Variants in POC1A observed in about 807,000 individuals in gnomAD.
POC1A encodes POC1 centriolar protein homolog A.
A neutral mutation model predicts 47.8 loss-of-function variants in POC1A; 34 were observed. The observed-to-expected ratio is 0.71, with a 90% CI of 0.54 to 0.95. The LOEUF is 0.95. Ranked by LOEUF, POC1A falls within the 40% of genes least tolerant of loss-of-function variation. The pLI is 0.00. For synonymous variants in POC1A, 177 were observed against 207.6 expected, an observed-to-expected ratio of 0.85 and a Z score of 1.27; for missense variants, 466 against 528.3, an observed-to-expected ratio of 0.88 and a Z score of 1.16.
At chr3:52,134,152 T>C (rs1412621711) in intron 7 of POC1A, among the ~76,000 whole-genome samples, 3 of 151,990 alleles carry the variant, frequency 2.0e-5, no homozygotes, top group Non-Finnish European at 2.9e-5. Context: ...GGGAGTTACA[T>C]GGATCTCATG....
chr3:52,130,789 C>G (rs537436723), intron 7 of POC1A, among the ~76,000 whole-genome samples: 42 of 152,270 alleles, frequency 2.8e-4, no homozygotes, highest in African/African-American at 7.7e-4. Flanking sequence ...ACTGGCCCAG[C>G]CACTGTCACA....
chr3:52,104,560 T>C (rs374797811), intron 9 of POC1A, among the ~76,000 whole-genome samples: 20 of 152,330 alleles, frequency 1.3e-4, no homozygotes, highest in African/African-American at 4.3e-4. Context: ...CAGGACACAG[T>C]TGACACCGTC....
chr3:52,086,274 C>T (rs1702454320), intron 10 of POC1A, among the ~76,000 whole-genome samples: 2 of 152,190 alleles, frequency 1.3e-5, no homozygotes, highest in Non-Finnish European at 2.9e-5. Flanking sequence ...GGGCAAACGT[C>T]CTGGGGCTGG....
intron 1 of POC1A, among the ~76,000 whole-genome samples, chr3:52,152,055 C>G (rs1248582421): frequency 6.6e-6 from 1 of 152,172 alleles, no homozygotes; most frequent in East Asian, 1.9e-4. Context: ...AGGAGGATCA[C>G]TTTAAGCCAG....
intron 9 of POC1A, among the ~76,000 whole-genome samples, chr3:52,114,058 GGAGACAC>G (rs1703473279): frequency 6.6e-6 from 1 of 152,262 alleles, no homozygotes; most frequent in Non-Finnish European, 1.5e-5. Flanking sequence ...TGAGGTTACA[GGAGACAC>G]GCCACCTCAG....
At chr3:52,146,839 C>A in intron 5 of POC1A, 149 bp downstream of exon 5, 1 of 654,648 alleles carries the variant, frequency 1.5e-6, no homozygotes, top group Admixed American at 2.4e-5. Context: ...GGTTGCCAGA[C>A]CTCGCAAAAA....
At chr3:52,138,397 C>T (rs1698060259) in intron 6 of POC1A, 95 bp from the exon 7 acceptor site, 1 of 1,313,278 alleles carries the variant, frequency 7.6e-7, no homozygotes, top group Admixed American at 2.0e-5. Flanking sequence ...AGGCTCAGCA[C>T]AGGCCTGATG....
chr3:52,154,308 C>A lies in POC1A; in HGVS notation c.18+47G>T, dbSNP rs766741990. 2.2e-5 allele frequency: 34 copies of A among 1,544,754 alleles called. No homozygotes were observed. In the South Asian group the frequency reaches 3.6e-4, roughly 16 times the overall value. ...CTCTGGCCATTAGGCGCCCAGTGTC[C>A]CAGCGGGGAGACTGAGGCCTGGGGA... On this transcript the variant is annotated intron_variant, in intron 1 of 10. Coordinates refer to ENST00000296484, the MANE Select transcript of POC1A (RefSeq NM_015426.5).
At chr3:52,087,294 T>C (rs1468654004) in intron 10 of POC1A, among the ~76,000 whole-genome samples, 1 of 152,152 alleles carries the variant, frequency 6.6e-6, no homozygotes, top group African/African-American at 2.4e-5. Context: ...AGCTCCCCTC[T>C]CATGCTGATG....
At chr3:52,088,734 T>A (rs1193887048) in intron 10 of POC1A, among the ~76,000 whole-genome samples, 1 of 151,706 alleles carries the variant, frequency 6.6e-6, no homozygotes, top group Non-Finnish European at 1.5e-5. Context: ...CAAGAGCAAA[T>A]CATGTGGAGT....
chr3:52,122,390 T>C lies in POC1A; in HGVS notation c.970A>G (p.Met324Val), dbSNP rs568609712. The change falls in exon 9 of 11, where the codon ATG becomes GTG. Residue 324 changes from methionine (M) to valine (V), a missense_variant. By Grantham distance (21) the Met-to-Val change is conservative. Transcript: ENST00000296484. ...PRPPATLASS[M>V]GNLPEVDFPV... ...GCCAAGCCACTTACCAGATTCCCCA[T>C]GGAGCTGGCCAGTGTGGCTGGGGGC... 8.2e-6 allele frequency: 13 copies of C among 1,593,948 alleles called. No homozygotes were observed. Among genetic ancestry groups the C allele is most frequent in the Non-Finnish European group, 9.5e-6 (11 of 1,161,566 alleles).
chr3:52,142,882 C>T (rs777784198), intron 6 of POC1A, among the ~76,000 whole-genome samples: 16 of 152,062 alleles, frequency 1.1e-4, no homozygotes, highest in African/African-American at 2.9e-4. Flanking sequence ...TTCTGGGGAG[C>T]CCCAAGACCA....
At chr3:52,114,467 T>C (rs6778442) in intron 9 of POC1A, among the ~76,000 whole-genome samples, 40,687 of 152,148 alleles carry the variant, frequency 0.27, 6,710 homozygotes, top group East Asian at 0.45. Context: ...GGTCCACACA[T>C]GAGCATGCAT....
intron 7 of POC1A, among the ~76,000 whole-genome samples, chr3:52,126,007 C>T (rs1037618860): frequency 3.9e-5 from 6 of 152,226 alleles, no homozygotes; most frequent in Admixed American, 6.5e-5. Flanking sequence ...TGTTTAGCTA[C>T]GACACCATGA....
rs1702820871 is a variant in POC1A at position 52,096,553 on chromosome 3, CCA to C, written c.1125+14_1125+15del. 2.0e-6 allele frequency: 3 copies of C among 1,535,272 alleles called. No homozygotes were observed. Among genetic ancestry groups the C allele is most frequent in the Admixed American group, 4.1e-5 (2 of 48,818 alleles). ...GCAGATGACGGGATGACGGGTGAAC[CCA>C]CAGTGTGGCCTACCTGAGTGAGGAC... is the stretch of plus-strand genomic sequence containing the variant. On this transcript the variant is annotated intron_variant, in intron 10 of 10. Coordinates refer to ENST00000296484, the MANE Select transcript of POC1A (RefSeq NM_015426.5).
chr3:52,132,109 G>A (rs1015958770), intron 7 of POC1A, among the ~76,000 whole-genome samples: 3 of 152,194 alleles, frequency 2.0e-5, no homozygotes, highest in Non-Finnish European at 4.4e-5. Flanking sequence ...CCGGTGCTGG[G>A]AAATTTAGAC....
At chr3:52,120,635 C>A (rs1703745499) in intron 9 of POC1A, among the ~76,000 whole-genome samples, 1 of 152,204 alleles carries the variant, frequency 6.6e-6, no homozygotes, top group Non-Finnish European at 1.5e-5. Flanking sequence ...ACCCCAGGAC[C>A]CACATCCTTT....
chr3:52,078,944 G>A (rs567832243), intron 10 of POC1A, among the ~76,000 whole-genome samples: 2 of 152,230 alleles, frequency 1.3e-5, no homozygotes, highest in Non-Finnish European at 2.9e-5. Context: ...CAGGCAGGAG[G>A]GCTGGCAGGC....
At chr3:52,100,842 A>G (rs2106992747) in intron 9 of POC1A, among the ~76,000 whole-genome samples, 4 of 152,274 alleles carry the variant, frequency 2.6e-5, no homozygotes, top group Middle Eastern at 6.8e-3. Flanking sequence ...AAGGAAAGGT[A>G]TGAAGCCCTG....
Sources: allele counts gnomAD v4.1 joint callset (sites outside exome capture counted in the v4.1 genomes callset), GRCh38; gene constraint gnomAD v4.1.1; transcripts MANE v1.5; gene names NCBI Gene and HGNC (gene_info 2026-07-23, HGNC 2026-07-21).